OSBP2: variants seen among roughly 807,000 people sequenced by gnomAD.
OSBP2 encodes oxysterol-binding protein 2.
Under a neutral mutation model 96.0 loss-of-function variants are expected in OSBP2, and 66 were observed. The observed-to-expected ratio is 0.69, with a 90% confidence interval of 0.56 to 0.84. OSBP2 has a LOEUF of 0.84. Among genes scored for constraint, OSBP2 ranks in the 40% least tolerant of loss-of-function variants. The pLI, the probability that OSBP2 is intolerant of heterozygous loss-of-function variation, is 0.00. For missense variants in OSBP2, 1,038 were observed against 1,222.7 expected, an observed-to-expected ratio of 0.85 and a Z score of 2.25; for synonymous variants, 525 against 520.9, an observed-to-expected ratio of 1.01 and a Z score of -0.11.
At chr22:30,761,858 A>G (rs543675562) in intron 2 of OSBP2, among the ~76,000 whole-genome samples, 91 of 152,350 alleles carry the variant, frequency 6.0e-4, no homozygotes, top group African/African-American at 2.1e-3. Context: ...TCTTTTCAAC[A>G]AGTAGTGTTG....
intron 2 of OSBP2, among the ~76,000 whole-genome samples, chr22:30,867,094 A>G (rs1414398257): frequency 6.6e-6 from 1 of 152,150 alleles, no homozygotes; most frequent in Non-Finnish European, 1.5e-5. Flanking sequence ...TATGACGGGT[A>G]GTTCACGGCC....
chr22:30,822,755 G>T, intron 2 of OSBP2: 1 of 1,442,290 alleles, frequency 6.9e-7, no homozygotes, highest in Non-Finnish European at 9.3e-7. Context: ...CAGGCTCCCC[G>T]CGCATGCACG....
Position 30,750,931 on chromosome 22 carries a change from G to A in OSBP2, c.853+9562G>A, listed in dbSNP as rs375595970. Among the ~76,000 whole-genome samples the A allele has an allele frequency of 1.3e-3, 203 of 152,062 alleles. 5 individuals carry two copies. The highest frequency in any genetic ancestry group is 0.013 in the Admixed American group (199 of 15,260). On this transcript the variant is annotated intron_variant, in intron 2 of 13. Transcript: ENST00000332585. ...TAATTTTTGTATTTTTAATAGAGTC[G>A]GGTTTCACCATCTTGACCAGGCTGT...
chr22:30,887,376 G>A (rs1165192833), intron 3 of OSBP2, 50 bp from the exon 4 acceptor site: 3 of 1,520,070 alleles, frequency 2.0e-6, no homozygotes, highest in East Asian at 4.5e-5. Context: ...TCTGACAGAT[G>A]GGCCCCTGCC....
chr22:30,741,375 G>A lies in OSBP2; in HGVS notation c.853+6G>A. ...CGTGATGAACACTCATTCAGGTAGT[G>A]AGCACTTGGGACAGCGGGTGTGTAT... On this transcript the variant is annotated splice_donor_region_variant and intron_variant, in intron 2 of 13. Coordinates refer to ENST00000332585, the MANE Select transcript of OSBP2 (RefSeq NM_030758.4). 1 of 1,600,476 alleles carries A rather than the reference G, an allele frequency of 6.2e-7. No individual in the cohort carries two copies. Among genetic ancestry groups the A allele is most frequent in the Non-Finnish European group, 8.5e-7 (1 of 1,175,556 alleles).
At chr22:30,757,194 C>T (rs2090152159) in intron 2 of OSBP2, among the ~76,000 whole-genome samples, 1 of 152,114 alleles carries the variant, frequency 6.6e-6, no homozygotes, top group Non-Finnish European at 1.5e-5. Context: ...CTGCTGCCTC[C>T]TGCCACACTG....
At chr22:30,887,893 C>CT (rs2039850880) in intron 4 of OSBP2, among the ~76,000 whole-genome samples, 1 of 152,208 alleles carries the variant, frequency 6.6e-6, no homozygotes, top group Non-Finnish European at 1.5e-5. Flanking sequence ...CAGGTGGCCA[C>CT]CCACCTAGCC....
chr22:30,846,120 T>A (rs565184846), intron 2 of OSBP2, among the ~76,000 whole-genome samples: 2 of 152,184 alleles, frequency 1.3e-5, no homozygotes, highest in Non-Finnish European at 2.9e-5. Context: ...TCTAAAGTGA[T>A]CATATCATTT....
chr22:30,775,461 A>T (rs1167967115), intron 2 of OSBP2, among the ~76,000 whole-genome samples: 2 of 151,810 alleles, frequency 1.3e-5, no homozygotes, highest in Non-Finnish European at 2.9e-5. Flanking sequence ...TACAAAAAAA[A>T]AAAAAATGAG....
At chr22:30,850,012 A>T (rs1452555550) in intron 2 of OSBP2, among the ~76,000 whole-genome samples, 1 of 152,070 alleles carries the variant, frequency 6.6e-6, no homozygotes, top group Non-Finnish European at 1.5e-5. Flanking sequence ...ATTGAAATTC[A>T]GTTGATCAGG....
At position 30,695,000 on chromosome 22, in the gene OSBP2, T is replaced by C; in HGVS notation, c.91T>C (p.Ser31Pro). 6.4e-7 allele frequency: 1 copy of C among 1,571,344 alleles called. No individual in the cohort carries two copies. The highest frequency in any genetic ancestry group is 8.6e-7 in the Non-Finnish European group (1 of 1,162,748). Residue 31 changes from serine (S) to proline (P), a missense_variant, in exon 1 of 14, where the codon TCG becomes CCG. This residue lies in a region of OSBP2 where 281 missense variants were observed against 273.4 expected (regional missense o/e 1.03). Transcript: ENST00000332585. Reference protein sequence around the residue: ...SSLFTVVPCLSCHTAAPGMSA... With the variant: ...SSLFTVVPCLPCHTAAPGMSA... The stretch of plus-strand genomic sequence containing the variant: ...GCTGTTCACGGTTGTCCCCTGCCTG[T>C]CGTGCCACACGGCGGCGCCGGGCAT...
intron 2 of OSBP2, among the ~76,000 whole-genome samples, chr22:30,866,609 C>T (rs1470990575): frequency 1.3e-5 from 2 of 152,136 alleles, no homozygotes; most frequent in Admixed American, 6.5e-5. Context: ...TGGTGGCGCA[C>T]GCCTGTAATG....
At chr22:30,906,126 G>A (rs766709073) in intron 13 of OSBP2, 57 bp downstream of exon 13, 4 of 1,609,160 alleles carry the variant, frequency 2.5e-6, no homozygotes, top group Non-Finnish European at 3.4e-6. Context: ...CCGGGTGGGG[G>A]TGCCGCAGGG....
intron 12 of OSBP2, among the ~76,000 whole-genome samples, chr22:30,895,693 C>T (rs1329106662): frequency 6.6e-6 from 1 of 152,102 alleles, no homozygotes; most frequent in African/African-American, 2.4e-5. Flanking sequence ...AATCCCAACA[C>T]TTTGGGAGGC....
intron 2 of OSBP2, among the ~76,000 whole-genome samples, chr22:30,782,051 C>T (rs576208664): frequency 2.8e-4 from 43 of 152,254 alleles, no homozygotes; most frequent in African/African-American, 9.6e-4. Flanking sequence ...GAGGCTGAGG[C>T]AGGAGAATCT....
At position 30,906,378 on chromosome 22, in the gene OSBP2, T is replaced by C. The variant is rs1470886976; in HGVS notation, c.*39T>C. 4 of 1,548,482 alleles carry C rather than the reference T, an allele frequency of 2.6e-6. No individual in the cohort carries two copies. Among genetic ancestry groups the C allele is most frequent in the Non-Finnish European group, 3.5e-6 (4 of 1,147,938 alleles). On this transcript the variant is annotated 3_prime_UTR_variant, in exon 14 of 14. Coordinates refer to ENST00000332585, the MANE Select transcript of OSBP2 (RefSeq NM_030758.4). ...AACAAATACAGGCGCCTGCACAGCC[T>C]GGCCCACCTGTTCATTAATGCACTC... is the stretch of plus-strand genomic sequence containing the variant.
At chr22:30,800,429 G>A (rs570349587) in intron 2 of OSBP2, among the ~76,000 whole-genome samples, 1 of 152,270 alleles carries the variant, frequency 6.6e-6, no homozygotes, top group South Asian at 2.1e-4. Context: ...GAAGGCATGA[G>A]CCATGGACAT....
In OSBP2 at chr22:30,803,034, G is replaced by T. The variant is rs537167485; in HGVS notation, c.853+61665G>T. ...CCGCCCTCCTCCCAGGCTCGGAGAGGCGGTGGCAGCCGGCACTGCACCCAG... is the reference window on the plus strand; with the variant it reads ...CCGCCCTCCTCCCAGGCTCGGAGAGTCGGTGGCAGCCGGCACTGCACCCAG... On this transcript the variant is annotated intron_variant, in intron 2 of 13. Coordinates refer to ENST00000332585, the MANE Select transcript of OSBP2 (RefSeq NM_030758.4). 31 of 170,988 alleles carry T rather than the reference G, an allele frequency of 1.8e-4. No individual in the cohort carries two copies. In the South Asian group the frequency reaches 3.3e-3, roughly 18 times the overall value. The allele number at this position is 170,988 out of a possible 1,614,324, so 10.6% of individuals were successfully genotyped here.
chr22:30,821,394 G>A (rs1406491762), intron 2 of OSBP2, among the ~76,000 whole-genome samples: 1 of 152,228 alleles, frequency 6.6e-6, no homozygotes, highest in Non-Finnish European at 1.5e-5. Context: ...ACATGCAGGT[G>A]GTGAGAGTCA....
Sources: gnomAD v4.1 joint callset for allele counts (sites outside exome capture counted in the v4.1 genomes callset) on GRCh38, gnomAD v4.1.1 for gene constraint, gnomAD v4.1.1 regional missense constraint, MANE v1.5 for transcripts, NCBI Gene and HGNC (gene_info 2026-07-23, HGNC 2026-07-21) for gene names.